The following BARX1 variants were observed in gnomAD, a reference collection of about 807,000 sequenced individuals.
BARX1 encodes the protein BARX homeobox 1.
In BARX1, 10 loss-of-function variants were observed where a neutral mutation model predicts 19.6. The ratio of observed to expected loss-of-function variants is 0.51; its 90% CI spans 0.31 to 0.86. The LOEUF is 0.86. BARX1 is among the 40% of genes least tolerant of loss of function. The pLI is 0.04. For missense variants in BARX1, 309 were observed against 360.4 expected, an observed-to-expected ratio of 0.86 and a Z score of 1.15; for synonymous variants, 177 against 170.0, an observed-to-expected ratio of 1.04 and a Z score of -0.32.
Position 93,951,804 on chromosome 9 carries a change from G to A in BARX1, c.*360C>T, listed in dbSNP as rs370504523. On this transcript the variant is annotated 3_prime_UTR_variant, in exon 4 of 4. Coordinates refer to ENST00000253968, the MANE Select transcript of BARX1 (RefSeq NM_021570.4). ...GTCCCCGACGTCCAGAAGCGGGTGT[G>A]TGCCTGGAGGCTCCCCGGCCGGGAG... 113 of 230,930 alleles carry A rather than the reference G, an allele frequency of 4.9e-4. 1 individual carries two copies. Among genetic ancestry groups the A allele is most frequent in the African/African-American group, 2.4e-3 (106 of 44,094 alleles). 14.3% of individuals were successfully genotyped at this position (230,930 alleles called of 1,614,324 possible).
rs767879222 is a variant in BARX1, at chr9:93,952,132, G to A, written c.*32C>T. 1.1e-5 allele frequency: 17 copies of A among 1,591,330 alleles called. No homozygotes were observed. The highest frequency in any genetic ancestry group is 1.4e-5 in the Non-Finnish European group (16 of 1,173,718). Reference sequence around the variant, plus strand: ...CGAGTGAGGGGGCTGCGGGTGGCGCGGGCATCCCAGGCCCCGCACCGTATA... The same window carrying A: ...CGAGTGAGGGGGCTGCGGGTGGCGCAGGCATCCCAGGCCCCGCACCGTATA... On this transcript the variant is annotated 3_prime_UTR_variant, in exon 4 of 4. Coordinates refer to ENST00000253968, the MANE Select transcript of BARX1 (RefSeq NM_021570.4).
rs1381375945 is a variant in BARX1, at chr9:93,955,090, C to T, written c.57G>A (p.Ala19=). 3 of 1,353,142 alleles carry T rather than the reference C, an allele frequency of 2.2e-6. No homozygotes were observed. Among genetic ancestry groups the T allele is most frequent in the African/African-American group, 1.5e-5 (1 of 65,454 alleles). 83.8% of individuals were successfully genotyped at this position (1,353,142 alleles called of 1,614,324 possible). Residue 19 remains alanine, a synonymous_variant, in exon 1 of 4, where the codon GCG becomes GCA. Coordinates refer to ENST00000253968, the MANE Select transcript of BARX1 (RefSeq NM_021570.4). The surrounding 1 kb of genome is among the most constrained non-coding windows in gnomAD (Gnocchi z 4.4). The stretch of plus-strand genomic sequence containing the variant: ...TGCGATAGCGGTGCGGCCGGTGGTC[C>T]GCGCAGCCCTCGGGCGGGCCGAAGC... ...AARFGPPEGC[A]DHRPHRYRSF... is the part of the protein sequence containing the mutation.
intron 2 of BARX1, 33 bp downstream of exon 2, chr9:93,952,863 C>G (rs1190896083): frequency 6.2e-7 from 1 of 1,612,776 alleles, no homozygotes; most frequent in Non-Finnish European, 8.5e-7. Flanking sequence ...CACACTCCCA[C>G]AGCCCGCTGG....
chr9:93,952,031 C>T lies in BARX1; in HGVS notation c.*133G>A. On this transcript the variant is annotated 3_prime_UTR_variant, in exon 4 of 4. Coordinates refer to ENST00000253968, the MANE Select transcript of BARX1 (RefSeq NM_021570.4). Reference sequence around the variant, plus strand: ...CCTTCCTCGTTTGGCCCCAATTGTCCGCATTCAAGATCATAATAAAAAGGC... The same window carrying T: ...CCTTCCTCGTTTGGCCCCAATTGTCTGCATTCAAGATCATAATAAAAAGGC... 1 of 1,209,180 alleles carries T rather than the reference C, an allele frequency of 8.3e-7. No individual in the cohort carries two copies. Among genetic ancestry groups the T allele is most frequent in the Non-Finnish European group, 1.1e-6 (1 of 886,760 alleles). The allele number at this position is 1,209,180 out of a possible 1,614,324, so 74.9% of individuals were successfully genotyped here.
rs961343686 is a variant in BARX1 at position 93,951,998 on chromosome 9, G to A, written c.*166C>T. The A allele has an allele frequency of 4.1e-6, 4 of 974,268 alleles. No homozygotes were observed. Among genetic ancestry groups the A allele is most frequent in the South Asian group, 3.4e-5 (2 of 59,034 alleles). 60.4% of individuals were successfully genotyped at this position (974,268 alleles called of 1,614,324 possible). A position where few individuals can be genotyped will look rare whatever the true frequency, so the allele number is the denominator to read the frequency against. ...GCTGGGACCTGGGTCTGGCTTTTGGGTCTGTGTCCTTCCTCGTTTGGCCCC... is the reference window on the plus strand; with the variant it reads ...GCTGGGACCTGGGTCTGGCTTTTGGATCTGTGTCCTTCCTCGTTTGGCCCC... On this transcript the variant is annotated 3_prime_UTR_variant, in exon 4 of 4. Coordinates refer to ENST00000253968, the MANE Select transcript of BARX1 (RefSeq NM_021570.4).
chr9:93,954,797 G>A (rs1829141669), intron 1 of BARX1, 127 bp downstream of exon 1: 1 of 625,144 alleles, frequency 1.6e-6, no homozygotes, highest in African/African-American at 1.9e-5. Context: ...GACGGTCCCA[G>A]AACCTGCGCT....
rs1423204104 is a variant in BARX1 at position 93,955,246 on chromosome 9, G to C, written c.-100C>G. ...GGGGCTCTAGGCCGGCCCGCAGCTC[G>C]GGGCGGCGCGCGGGCGCCGGCTCAT... On this transcript the variant is annotated 5_prime_UTR_variant, in exon 1 of 4. Coordinates refer to ENST00000253968, the MANE Select transcript of BARX1 (RefSeq NM_021570.4). The surrounding 1 kb of genome is among the most constrained non-coding windows in gnomAD (Gnocchi z 4.4). 2.1e-5 allele frequency: 10 copies of C among 475,484 alleles called. No homozygotes were observed. The highest frequency in any genetic ancestry group is 8.6e-5 in the African/African-American group (4 of 46,554). 29.5% of individuals were successfully genotyped at this position (475,484 alleles called of 1,614,324 possible). A position where few individuals can be genotyped will look rare whatever the true frequency, so the allele number is the denominator to read the frequency against.
chr9:93,953,485 G>T, intron 1 of BARX1: 1 of 420,646 alleles, frequency 2.4e-6, no homozygotes. Flanking sequence ...GCAGCTGCGA[G>T]AAACTCGGAG....
At chr9:93,952,602 G>C in intron 3 of BARX1, 127 bp downstream of exon 3, 1 of 1,151,060 alleles carries the variant, frequency 8.7e-7, no homozygotes, top group Non-Finnish European at 1.3e-6. Flanking sequence ...ATTCCGGTGC[G>C]TACCAGGCAC....
At position 93,951,902 on chromosome 9, in the gene BARX1, G is replaced by C. The variant is rs1242329751; in HGVS notation, c.*262C>G. 2.0e-6 allele frequency: 1 copy of C among 506,806 alleles called. No homozygotes were observed. Among genetic ancestry groups the C allele is most frequent in the Non-Finnish European group, 3.5e-6 (1 of 283,764 alleles). The allele number at this position is 506,806 out of a possible 1,614,324, so 31.4% of individuals were successfully genotyped here. On this transcript the variant is annotated 3_prime_UTR_variant, in exon 4 of 4. Transcript: ENST00000253968. Reference sequence around the variant, plus strand: ...ATACGCGTGGAGCGCTCTGCGCCACGGAGCTCAGGGTAGAGACTGTAGCTT... The same window carrying C: ...ATACGCGTGGAGCGCTCTGCGCCACCGAGCTCAGGGTAGAGACTGTAGCTT...
chr9:93,952,205 C>G lies in BARX1; in HGVS notation c.724G>C (p.Glu242Gln). ...ERAKDAEKPA[E>Q]VPGEPSDRSR... Reference sequence around the variant, plus strand: ...CTGTCGCTGGGCTCGCCCGGCACCTCCGCCGGTTTCTCTGCATCCTTGGCG... The same window carrying G: ...CTGTCGCTGGGCTCGCCCGGCACCTGCGCCGGTTTCTCTGCATCCTTGGCG... The change falls in exon 4 of 4, where the codon GAG becomes CAG. Residue 242 changes from glutamate to glutamine, a missense_variant. Physicochemically the swap from Glu to Gln is conservative, Grantham distance 29. This residue lies in a region of BARX1 where 71 missense variants were observed against 80.4 expected (regional missense o/e 0.88). Transcript: ENST00000253968. 1 of 1,610,894 alleles carries G rather than the reference C, an allele frequency of 6.2e-7. No individual in the cohort carries two copies. The highest frequency in any genetic ancestry group is 8.5e-7 in the Non-Finnish European group (1 of 1,179,888).
intron 1 of BARX1, 116 bp from the exon 2 acceptor site, chr9:93,953,303 A>G: frequency 1.6e-6 from 2 of 1,218,126 alleles, no homozygotes; most frequent in Non-Finnish European, 2.2e-6. Flanking sequence ...TCCCAGCGCA[A>G]AACCTCCACG....
chr9:93,955,042 G>T lies in BARX1; in HGVS notation c.105C>A (p.Leu35=). 7.1e-7 allele frequency: 1 copy of T among 1,405,702 alleles called. No individual in the cohort carries two copies. The allele number at this position is 1,405,702 out of a possible 1,614,324, so 87.1% of individuals were successfully genotyped here. A position where few individuals can be genotyped will look rare whatever the true frequency, so the allele number is the denominator to read the frequency against. The change falls in exon 1 of 4, where the codon CTC becomes CTA. Residue 35 remains leucine (L), a synonymous_variant. Coordinates refer to ENST00000253968, the MANE Select transcript of BARX1 (RefSeq NM_021570.4). The surrounding 1 kb of genome is among the most constrained non-coding windows in gnomAD (Gnocchi z 4.4). ...RYRSFMIEEI[L]TEPPGPKGAA... is the part of the protein sequence containing the mutation. Reference sequence around the variant, plus strand: ...CGCCCTTGGGCCCGGGTGGCTCCGTGAGGATCTCCTCAATCATGAAGCTGC... The same window carrying T: ...CGCCCTTGGGCCCGGGTGGCTCCGTTAGGATCTCCTCAATCATGAAGCTGC...
At chr9:93,954,013 C>T (rs897465482) in intron 1 of BARX1, among the ~76,000 whole-genome samples, 1 of 152,166 alleles carries the variant, frequency 6.6e-6, no homozygotes, top group East Asian at 1.9e-4. Context: ...CCCCGACAGG[C>T]CTGTCACTGA....
Position 93,955,165 on chromosome 9 carries a change from G to T in BARX1, c.-19C>A. 9.5e-7 allele frequency: 1 copy of T among 1,055,308 alleles called. No individual in the cohort carries two copies. Among genetic ancestry groups the T allele is most frequent in the Non-Finnish European group, 1.1e-6 (1 of 876,474 alleles). 65.4% of individuals were successfully genotyped at this position (1,055,308 alleles called of 1,614,324 possible). ...GCTGCATCGCGGCGCCCACTGCTGC[G>T]CCCGCGGTTTGGCGGCGGCGGCGGC... On this transcript the variant is annotated 5_prime_UTR_variant, in exon 1 of 4. Transcript: ENST00000253968. The surrounding 1 kb of genome is among the most constrained non-coding windows in gnomAD (Gnocchi z 4.4).
chr9:93,953,798 G>T (rs1293133309), intron 1 of BARX1, among the ~76,000 whole-genome samples: 1 of 152,244 alleles, frequency 6.6e-6, no homozygotes, highest in African/African-American at 2.4e-5. Context: ...GTCCTAAAAT[G>T]ATTGTGTGCC....
At chr9:93,952,398 C>T in intron 3 of BARX1, 70 bp from the exon 4 acceptor site, 4 of 1,541,964 alleles carry the variant, frequency 2.6e-6, no homozygotes, top group Non-Finnish European at 2.6e-6. Context: ...AGACTTGAAC[C>T]CAGGTAGGAC....
rs1038723298 is a variant in BARX1 at position 93,954,775 on chromosome 9, A to C, written c.223+149T>G. On this transcript the variant is annotated intron_variant, in intron 1 of 3. Coordinates refer to ENST00000253968, the MANE Select transcript of BARX1 (RefSeq NM_021570.4). Reference sequence around the variant, plus strand: ...CTTGCACCCTCCGCCTCCCGCCTGGAGGGCTCCGAGAGACGGTCCCAGAAC... The same window carrying C: ...CTTGCACCCTCCGCCTCCCGCCTGGCGGGCTCCGAGAGACGGTCCCAGAAC... The C allele has an allele frequency of 6.0e-6, 3 of 499,434 alleles. No homozygotes were observed. In the African/African-American group the frequency reaches 6.1e-5, roughly 10 times the overall value. 30.9% of individuals were successfully genotyped at this position (499,434 alleles called of 1,614,324 possible).
At position 93,951,829 on chromosome 9, in the gene BARX1, G is replaced by A. The variant is rs908337744; in HGVS notation, c.*335C>T. On this transcript the variant is annotated 3_prime_UTR_variant, in exon 4 of 4. Coordinates refer to ENST00000253968, the MANE Select transcript of BARX1 (RefSeq NM_021570.4). The stretch of plus-strand genomic sequence containing the variant: ...GTGCCTGGAGGCTCCCCGGCCGGGA[G>A]GGCAGGCCCCAGACGGGGTGGGGGT... 1.2e-5 allele frequency: 3 copies of A among 258,852 alleles called. No homozygotes were observed. The highest frequency in any genetic ancestry group is 4.8e-5 in the Admixed American group (1 of 20,752). 16.0% of individuals were successfully genotyped at this position (258,852 alleles called of 1,614,324 possible). A position where few individuals can be genotyped will look rare whatever the true frequency, so the allele number is the denominator to read the frequency against.
Sources: gnomAD v4.1 joint callset for allele counts (sites outside exome capture counted in the v4.1 genomes callset) on GRCh38, gnomAD v4.1.1 for gene constraint, gnomAD v4.1.1 regional missense constraint, Gnocchi (gnomAD v3.1) non-coding constraint, MANE v1.5 for transcripts, NCBI Gene and HGNC (gene_info 2026-07-23, HGNC 2026-07-21) for gene names.